VEZT: variants seen among roughly 807,000 people sequenced by gnomAD.
The protein encoded by VEZT is vezatin, adherens junctions transmembrane protein.
Under a neutral mutation model 79.9 loss-of-function variants are expected in VEZT, and 39 were observed. The observed-to-expected ratio is 0.49, with a 90% CI of 0.38 to 0.64. The LOEUF is 0.64. VEZT is among the 30% of genes least tolerant of loss of function. The pLI is 0.00. For missense variants in VEZT, 837 were observed against 893.1 expected (o/e 0.94, Z 0.80); for synonymous variants, 325 against 327.6 (o/e 0.99, Z 0.09).
chr12:95,269,413 C>T (rs569185198), intron 5 of VEZT, among the ~76,000 whole-genome samples: 1 of 152,242 alleles, frequency 6.6e-6, no homozygotes, highest in South Asian at 2.1e-4. Context: ...GCCACTGGTC[C>T]TGTTATCTTT....
chr12:95,219,649 T>C (rs1361483382), intron 1 of VEZT, among the ~76,000 whole-genome samples: 1 of 152,176 alleles, frequency 6.6e-6, no homozygotes, highest in African/African-American at 2.4e-5. Context: ...ACTACAACTC[T>C]GATTTTCCTC....
intron 1 of VEZT, chr12:95,218,185 G>C (rs778444768): frequency 4.5e-5 from 9 of 202,200 alleles, no homozygotes; most frequent in South Asian, 1.6e-4. Flanking sequence ...GATGTGCGGC[G>C]GGGGGGACTG....
intron 11 of VEZT, chr12:95,299,266 A>G (rs1482849488): frequency 6.5e-6 from 1 of 154,800 alleles, no homozygotes; most frequent in African/African-American, 2.4e-5. Flanking sequence ...CTCTTCGAGA[A>G]GCACTTTTTT....
intron 8 of VEZT, chr12:95,286,969 GTT>G (rs1209856780): frequency 3.6e-5 from 3 of 83,232 alleles, no homozygotes; most frequent in Non-Finnish European, 4.4e-5. Flanking sequence ...CCAGGGAGCT[GTT>G]GTTGGCAGGG....
At chr12:95,218,617 C>A (rs1379995883) in intron 1 of VEZT, 1 of 152,158 alleles carries the variant, frequency 6.6e-6, no homozygotes, top group Admixed American at 6.5e-5. Context: ...CACCCCTGTA[C>A]GTATGTGTAT....
In VEZT at chr12:95,301,577, A is replaced by C. The variant is rs1280269985; in HGVS notation, c.*904A>C. On this transcript the variant is annotated 3_prime_UTR_variant, in exon 12 of 12. Transcript: ENST00000436874. ...TCCTTGTCTCCTTAGTATTTCATTTACAAACTACCTCTTAACAGAGACTGC... is the reference window on the plus strand; with the variant it reads ...TCCTTGTCTCCTTAGTATTTCATTTCCAAACTACCTCTTAACAGAGACTGC... The C allele has an allele frequency of 6.6e-6, 1 of 152,220 alleles. No individual in the cohort carries two copies. The highest frequency in any genetic ancestry group is 1.5e-5 in the Non-Finnish European group (1 of 68,034). The allele number at this position is 152,220 out of a possible 1,614,324, so 9.4% of individuals were successfully genotyped here. A position where few individuals can be genotyped will look rare whatever the true frequency, so the allele number is the denominator to read the frequency against.
intron 4 of VEZT, among the ~76,000 whole-genome samples, chr12:95,264,767 G>A (rs2065170419): frequency 6.7e-6 from 1 of 149,846 alleles, no homozygotes; most frequent in South Asian, 2.1e-4. Context: ...AATTGCATGT[G>A]ATTTTCTTTG....
rs200058128 is a variant in VEZT, at chr12:95,266,590, G to A, written c.668G>A (p.Arg223His). The part of the protein sequence containing the change: ...AFTNLVRKAL[R>H]LIQETEVISR... ...ACTAACCTCGTGAGAAAAGCTTTAC[G>A]TCTCATTCAAGAAACCGAAGTGATT... Residue 223 changes from arginine to histidine, a missense_variant, in exon 5 of 12, where the codon CGT (arginine) becomes CAT (histidine). By Grantham distance (29) the Arg-to-His change is conservative (BLOSUM62 0). Coordinates refer to ENST00000436874, the MANE Select transcript of VEZT (RefSeq NM_017599.4). 2.7e-4 allele frequency: 437 copies of A among 1,613,058 alleles called. 2 individuals are homozygous for A. The highest frequency in any genetic ancestry group is 1.6e-4 in the Middle Eastern group (1 of 6,084).
chr12:95,226,030 G>A (rs1218079016), intron 1 of VEZT, among the ~76,000 whole-genome samples: 2 of 151,292 alleles, frequency 1.3e-5, no homozygotes, highest in Admixed American at 6.6e-5. Flanking sequence ...AGGAGTTCAA[G>A]GCTGTGATGA....
At chr12:95,230,189 C>T (rs1251070603) in intron 1 of VEZT, among the ~76,000 whole-genome samples, 1 of 150,880 alleles carries the variant, frequency 6.6e-6, no homozygotes, top group Non-Finnish European at 1.5e-5. Context: ...ATTGAGACTT[C>T]CTGTTGTTAT....
At chr12:95,239,770 G>A (rs2060640888) in intron 1 of VEZT, among the ~76,000 whole-genome samples, 1 of 152,056 alleles carries the variant, frequency 6.6e-6, no homozygotes, top group Non-Finnish European at 1.5e-5. Context: ...TGGCCACCAT[G>A]GTGAAACACC....
At chr12:95,219,916 A>G (rs565034815) in intron 1 of VEZT, among the ~76,000 whole-genome samples, 1 of 152,280 alleles carries the variant, frequency 6.6e-6, no homozygotes, top group East Asian at 1.9e-4. Flanking sequence ...ATTTCTCTTC[A>G]TATTTGTTGC....
intron 7 of VEZT, among the ~76,000 whole-genome samples, chr12:95,280,454 C>T (rs1463963188): frequency 7.0e-6 from 1 of 142,830 alleles, no homozygotes; most frequent in Non-Finnish European, 1.5e-5. Flanking sequence ...TCTCTCTCCC[C>T]CCCTTTCATA....
In VEZT at chr12:95,274,301, G is replaced by A. The variant is rs145180029; in HGVS notation, c.849-441G>A. Among the ~76,000 whole-genome samples the A allele has an allele frequency of 3.7e-4, 56 of 152,036 alleles. No homozygotes were observed. The East Asian group carries it at 0.01, about 28-fold the overall frequency. ...ACAACATGGCAAAACATCATCTCTA[G>A]AAAAAAATACAAAAATCAGCTGGGT... On this transcript the variant is annotated intron_variant, in intron 6 of 11. Transcript: ENST00000436874.
At chr12:95,247,243 G>A (rs2061851197) in intron 1 of VEZT, among the ~76,000 whole-genome samples, 1 of 152,200 alleles carries the variant, frequency 6.6e-6, no homozygotes, top group South Asian at 2.1e-4. Context: ...GTTTCGGTAC[G>A]GCTATTCTTC....
intron 7 of VEZT, among the ~76,000 whole-genome samples, chr12:95,281,800 C>T (rs2069198476): frequency 6.6e-6 from 1 of 152,096 alleles, no homozygotes; most frequent in Non-Finnish European, 1.5e-5. Flanking sequence ...TCCGCCTTCA[C>T]CTCCCAAAGT....
At chr12:95,293,276 G>C (rs549742930) in intron 9 of VEZT, among the ~76,000 whole-genome samples, 1 of 152,084 alleles carries the variant, frequency 6.6e-6, no homozygotes, top group African/African-American at 2.4e-5. Context: ...TTTATTCATC[G>C]TTCTGCCATC....
intron 1 of VEZT, among the ~76,000 whole-genome samples, chr12:95,229,980 C>A (rs1429889686): frequency 6.6e-6 from 1 of 151,940 alleles, no homozygotes; most frequent in East Asian, 1.9e-4. Flanking sequence ...CAGCTGGTGC[C>A]TGTAATCCCA....
At chr12:95,262,802 C>A in intron 3 of VEZT, 104 bp from the exon 4 acceptor site, 1 of 980,076 alleles carries the variant, frequency 1.0e-6, no homozygotes. Flanking sequence ...GAAGTATCTT[C>A]TGAAAATAAA....
Sources: gnomAD v4.1 joint callset for allele counts (sites outside exome capture counted in the v4.1 genomes callset) on GRCh38, gnomAD v4.1.1 for gene constraint, MANE v1.5 for transcripts, NCBI Gene and HGNC (gene_info 2026-07-23, HGNC 2026-07-21) for gene names.